Variants in ITPRID1 observed in about 807,000 individuals in gnomAD.
The protein encoded by ITPRID1 is ITPR interacting domain containing 1.
Under a neutral mutation model 95.4 loss-of-function variants are expected in ITPRID1, and 96 were observed. The observed-to-expected ratio is 1.01, with a 90% confidence interval of 0.85 to 1.19. ITPRID1 has a LOEUF of 1.19. ITPRID1 is among the 50% of genes most tolerant of loss of function. The pLI is 0.00. For synonymous variants in ITPRID1, 510 were observed against 453.6 expected (o/e 1.12, Z -1.58); for missense variants, 1,339 against 1,252.9 (o/e 1.07, Z -1.04).
chr7:31,638,724 AG>A (rs1330883356), intron 10 of ITPRID1, among the ~76,000 whole-genome samples: 7 of 152,112 alleles, frequency 4.6e-5, no homozygotes, highest in Admixed American at 3.3e-4. Flanking sequence ...GTTGATTTTA[AG>A]GGTTTTTATA....
rs79818122 is a variant in ITPRID1 at position 31,649,391 on chromosome 7, A to G, written c.2584-1751A>G. On this transcript the variant is annotated intron_variant, in intron 12 of 14. Transcript: ENST00000615280. ...GGAAGGAGGAAGAAGAGAAGCTTCA[A>G]AACAGCCAGCCTGCAAGATCAGTTT... Among the ~76,000 whole-genome samples, 151 of 152,238 alleles carry G rather than the reference A, an allele frequency of 9.9e-4. 1 individual carries two copies. The highest frequency in any genetic ancestry group is 3.4e-3 in the African/African-American group (143 of 41,564).
intron 1 of ITPRID1, among the ~76,000 whole-genome samples, chr7:31,520,463 C>A (rs1007299301): frequency 6.6e-6 from 1 of 151,694 alleles, no homozygotes. Flanking sequence ...CCAGCTTTGG[C>A]CAATAAGAGC....
downstream of ITPRID1, among the ~76,000 whole-genome samples, chr7:31,657,636 G>A (rs1049117967): frequency 1.3e-5 from 2 of 151,908 alleles, no homozygotes; most frequent in African/African-American, 4.8e-5. Flanking sequence ...GATTATCTGT[G>A]TAATCTTACT....
chr7:31,610,400 C>T (rs1012072779), intron 10 of ITPRID1, among the ~76,000 whole-genome samples: 4 of 151,692 alleles, frequency 2.6e-5, no homozygotes, highest in Non-Finnish European at 5.9e-5. Flanking sequence ...TGACATGTAA[C>T]ACATAGTATA....
chr7:31,579,679 T>C (rs1263294115), intron 9 of ITPRID1, among the ~76,000 whole-genome samples: 1 of 152,242 alleles, frequency 6.6e-6, no homozygotes, highest in Non-Finnish European at 1.5e-5. Context: ...CAGGTGAATA[T>C]GCCTATTGGC....
chr7:31,554,900 T>G lies in ITPRID1; in HGVS notation c.255T>G (p.Thr85=). 3 of 1,577,992 alleles carry G rather than the reference T, an allele frequency of 1.9e-6. No individual in the cohort carries two copies. The highest frequency in any genetic ancestry group is 2.6e-6 in the Non-Finnish European group (3 of 1,158,740). ...NENFQQVIDR[T]VSLYEQGMVQ... ...ACTTTCAACAAGTCATTGACCGCAC[T>G]GGTAAGACAAGAGAAGCAGTTATGC... The change falls in exon 5 of 15, where the codon ACT becomes ACG. Residue 85 remains threonine, a splice_region_variant and synonymous_variant. Transcript: ENST00000615280.
rs754696064 is a variant in ITPRID1 at position 31,554,916 on chromosome 7, G to T, written c.256+15G>T. 9 of 1,567,924 alleles carry T rather than the reference G, an allele frequency of 5.7e-6. No homozygotes were observed. In the African/African-American group the frequency reaches 8.1e-5, roughly 14 times the overall value. On this transcript the variant is annotated intron_variant, in intron 5 of 14. Coordinates refer to ENST00000615280, the MANE Select transcript of ITPRID1 (RefSeq NM_001257967.3). The stretch of plus-strand genomic sequence containing the variant: ...TGACCGCACTGGTAAGACAAGAGAA[G>T]CAGTTATGCTTTGGGAAGCTGAGTA...
chr7:31,625,411 G>T (rs917355780), intron 10 of ITPRID1, among the ~76,000 whole-genome samples: 12 of 151,952 alleles, frequency 7.9e-5, no homozygotes, highest in Non-Finnish European at 1.5e-4. Flanking sequence ...AGAAAATGTG[G>T]CACATATACA....
intron 10 of ITPRID1, among the ~76,000 whole-genome samples, chr7:31,623,862 G>C (rs1031729365): frequency 2.6e-5 from 4 of 152,064 alleles, no homozygotes; most frequent in African/African-American, 4.8e-5. Flanking sequence ...GATTTTATAT[G>C]TAGAAAACCC....
Position 31,574,652 on chromosome 7 carries a change from G to T in ITPRID1, c.508G>T (p.Gly170Cys), listed in dbSNP as rs1785112847. 1 of 1,613,828 alleles carries T rather than the reference G, an allele frequency of 6.2e-7. No individual in the cohort carries two copies. Among genetic ancestry groups the T allele is most frequent in the African/African-American group, 1.3e-5 (1 of 74,910 alleles). Residue 170 changes from glycine (G) to cysteine (C), a missense_variant, in exon 8 of 15, where the codon GGT (glycine) becomes TGT (cysteine). Coordinates refer to ENST00000615280, the MANE Select transcript of ITPRID1 (RefSeq NM_001257967.3). ...ICMQIPARFL[G>C]CGSAARGINI... ...CATGCAAATCCCAGCCAGATTCCTT[G>T]GTTGTGGCTCAGCAGCCAGAGGAAT...
intron 10 of ITPRID1, among the ~76,000 whole-genome samples, chr7:31,611,701 G>A (rs1003991529): frequency 1.3e-5 from 2 of 151,852 alleles, no homozygotes; most frequent in Non-Finnish European, 1.5e-5. Context: ...CCTTCAGGTT[G>A]CATGGTTTCT....
chr7:31,648,390 TA>T (rs530682854), intron 12 of ITPRID1, among the ~76,000 whole-genome samples: 4 of 152,184 alleles, frequency 2.6e-5, no homozygotes, highest in Non-Finnish European at 5.9e-5. Context: ...GGTTTTTATT[TA>T]TTTTTTTTCT....
intron 1 of ITPRID1, among the ~76,000 whole-genome samples, chr7:31,528,984 G>A (rs1031579936): frequency 6.6e-6 from 1 of 152,180 alleles, no homozygotes; most frequent in African/African-American, 2.4e-5. Flanking sequence ...CATGGCAAAT[G>A]TAACAGTGGA....
At chr7:31,527,914 A>G (rs879318999) in intron 1 of ITPRID1, among the ~76,000 whole-genome samples, 2 of 152,182 alleles carry the variant, frequency 1.3e-5, no homozygotes, top group Admixed American at 6.6e-5. Context: ...GAAGTGTTCT[A>G]TTTGGAAGAG....
intron 5 of ITPRID1, among the ~76,000 whole-genome samples, chr7:31,562,475 G>T (rs1337744124): frequency 6.6e-6 from 1 of 152,084 alleles, no homozygotes; most frequent in Admixed American, 6.6e-5. Flanking sequence ...CTTTTCAAAA[G>T]GAATTTGTTT....
chr7:31,614,996 A>C (rs1316132909), intron 10 of ITPRID1, among the ~76,000 whole-genome samples: 1 of 152,172 alleles, frequency 6.6e-6, no homozygotes, highest in African/African-American at 2.4e-5. Flanking sequence ...ATTTATTTTT[A>C]AGCTATAGGC....
At chr7:31,644,239 C>T (rs1460078916) in intron 12 of ITPRID1, among the ~76,000 whole-genome samples, 2 of 152,150 alleles carry the variant, frequency 1.3e-5, no homozygotes, top group African/African-American at 2.4e-5. Context: ...ATTCATATGT[C>T]TAAGGTTATA....
intron 1 of ITPRID1, chr7:31,529,866 C>G: frequency 2.1e-6 from 3 of 1,451,098 alleles, no homozygotes; most frequent in Non-Finnish European, 1.9e-6. Context: ...TTTAATCCAG[C>G]CTGTTGGGGA....
chr7:31,564,963 A>C (rs1784746806), intron 5 of ITPRID1, among the ~76,000 whole-genome samples: 1 of 152,176 alleles, frequency 6.6e-6, no homozygotes, highest in South Asian at 2.1e-4. Flanking sequence ...TATTAAGAAC[A>C]GGCAAAGGGA....
Sources: gnomAD v4.1 joint callset for allele counts (sites outside exome capture counted in the v4.1 genomes callset) on GRCh38, gnomAD v4.1.1 for gene constraint, MANE v1.5 for transcripts, NCBI Gene and HGNC (gene_info 2026-07-23, HGNC 2026-07-21) for gene names.